Variants in DCHS2 observed in about 807,000 individuals in gnomAD.
The protein encoded by DCHS2 is protocadherin-23.
In DCHS2, 142 loss-of-function variants were observed where a neutral mutation model predicts 182.4. The observed-to-expected ratio is 0.78, with a 90% CI of 0.68 to 0.89. The LOEUF is 0.89. Among genes scored for constraint, DCHS2 ranks in the 40% least tolerant of loss-of-function variants. The pLI is 0.00. For missense variants in DCHS2, 4,319 were observed against 4,198.6 expected, an observed-to-expected ratio of 1.03 and a Z score of -0.79; for synonymous variants, 1,740 against 1,663.3, an observed-to-expected ratio of 1.05 and a Z score of -1.12.
At chr4:154,237,425 A>G (rs1731584737) in intron 19 of DCHS2, 1 of 354,882 alleles carries the variant, frequency 2.8e-6, no homozygotes, top group African/African-American at 2.1e-5. Context: ...AATTCCTCTG[A>G]ATTTTGTTTT....
chr4:154,316,044 G>T, intron 9 of DCHS2, 57 bp from the exon 10 acceptor site: 1 of 1,596,056 alleles, frequency 6.3e-7, no homozygotes, highest in Non-Finnish European at 8.5e-7. Context: ...GAGAAGTCAT[G>T]CTTACTCCAC....
intron 13 of DCHS2, among the ~76,000 whole-genome samples, chr4:154,274,808 A>G (rs1293381224): frequency 1.3e-5 from 2 of 151,788 alleles, no homozygotes; most frequent in Admixed American, 6.6e-5. Flanking sequence ...AGCCAAAAGC[A>G]ATTTTTTTTA....
rs529144981 is a variant in DCHS2 at position 154,481,847 on chromosome 4, A to T, written c.2052+7457T>A. Among the ~76,000 whole-genome samples, 7 of 152,340 alleles carry T rather than the reference A, an allele frequency of 4.6e-5. No homozygotes were observed. The South Asian group carries it at 1.4e-3, about 32-fold the overall frequency. Reference sequence around the variant, plus strand: ...TAAACTTGGGTATGTTTCACTCTGCATTGCAAGCTTTTATCCACGGGATTA... The same window carrying T: ...TAAACTTGGGTATGTTTCACTCTGCTTTGCAAGCTTTTATCCACGGGATTA... On this transcript the variant is annotated intron_variant, in intron 1 of 19. Transcript: ENST00000357232.
intron 1 of DCHS2, among the ~76,000 whole-genome samples, chr4:154,469,138 A>G (rs1269307665): frequency 6.6e-6 from 1 of 152,176 alleles, no homozygotes; most frequent in Non-Finnish European, 1.5e-5. Flanking sequence ...AACACTGGAA[A>G]GACATAAGAA....
At chr4:154,251,998 A>T (rs1346128402) in intron 16 of DCHS2, among the ~76,000 whole-genome samples, 291 of 152,318 alleles carry the variant, frequency 1.9e-3, no homozygotes, top group Middle Eastern at 3.4e-3. Context: ...TTAATATGAA[A>T]ACTAAAAATT....
At chr4:154,421,678 G>A (rs1051824234) in intron 1 of DCHS2, among the ~76,000 whole-genome samples, 14 of 152,312 alleles carry the variant, frequency 9.2e-5, no homozygotes, top group African/African-American at 3.4e-4. Context: ...ACAGGCGTAA[G>A]CCACCACGCC....
intron 2 of DCHS2, chr4:154,374,286 C>T (rs1042084747): frequency 1.2e-5 from 3 of 243,516 alleles, no homozygotes; most frequent in Non-Finnish European, 2.4e-5. Flanking sequence ...GTTTAGATCA[C>T]AGTGGACAGC....
At chr4:154,374,386 T>C (rs1253031730) in intron 2 of DCHS2, 2 of 155,968 alleles carry the variant, frequency 1.3e-5, no homozygotes, top group African/African-American at 4.8e-5. Flanking sequence ...TAGGATGGCA[T>C]TATACAATTG....
chr4:154,403,122 A>G (rs774736185), intron 1 of DCHS2, among the ~76,000 whole-genome samples: 13 of 152,242 alleles, frequency 8.5e-5, no homozygotes, highest in Admixed American at 3.9e-4. Flanking sequence ...AGATTATTTT[A>G]TTTTATCCTT....
chr4:154,372,712 T>C (rs1730698890), intron 2 of DCHS2, among the ~76,000 whole-genome samples: 1 of 152,226 alleles, frequency 6.6e-6, no homozygotes, highest in Admixed American at 6.6e-5. Flanking sequence ...ATTGCCAATG[T>C]AATTCAATTG....
intron 1 of DCHS2, among the ~76,000 whole-genome samples, chr4:154,469,213 C>CAA (rs1271097058): frequency 1.4e-4 from 3 of 21,378 alleles, no homozygotes; most frequent in African/African-American, 1.5e-4. Flanking sequence ...CACAGGAGTG[C>CAA]AAACATCTTC....
chr4:154,425,169 G>A (rs139850500), intron 1 of DCHS2, among the ~76,000 whole-genome samples: 184 of 152,294 alleles, frequency 1.2e-3, no homozygotes, highest in African/African-American at 4.4e-3. Flanking sequence ...TACAGAGATT[G>A]ACAATGGAAG....
chr4:154,236,948 A>G lies in DCHS2; in HGVS notation c.7704T>C (p.Leu2568=), dbSNP rs752970002. 1.2e-6 allele frequency: 2 copies of G among 1,614,072 alleles called. No homozygotes were observed. The highest frequency in any genetic ancestry group is 3.3e-5 in the Admixed American group (2 of 60,022). ...CATGGTCGATGTTTGAAAATGTAAC[A>G]AGCGTGCTTCCAACCAGAGCATCCT... ...LSEDALVGST[L]VTFSNIDHDW... The change falls in exon 20 of 20, where the codon CTT becomes CTC. Residue 2568 remains leucine (L), a synonymous_variant. Coordinates refer to ENST00000357232, the MANE Select transcript of DCHS2 (RefSeq NM_001358235.2).
chr4:154,335,772 CA>C (rs2111372385), intron 3 of DCHS2, among the ~76,000 whole-genome samples: 1 of 152,288 alleles, frequency 6.6e-6, no homozygotes, highest in South Asian at 2.1e-4. Flanking sequence ...ATTTGCAAAA[CA>C]ATGTCAAATT....
At position 154,234,386 on chromosome 4, in the gene DCHS2, A is replaced by G; in HGVS notation, c.*150T>C. 8.8e-7 allele frequency: 1 copy of G among 1,131,218 alleles called. No individual in the cohort carries two copies. The highest frequency in any genetic ancestry group is 1.2e-6 in the Non-Finnish European group (1 of 830,608). The allele number at this position is 1,131,218 out of a possible 1,614,324, so 70.1% of individuals were successfully genotyped here. On this transcript the variant is annotated 3_prime_UTR_variant, in exon 20 of 20. Coordinates refer to ENST00000357232, the MANE Select transcript of DCHS2 (RefSeq NM_001358235.2). ...CATTAAGGCTGGAAGAAATTGGAGA[A>G]ACTTTAATGGGGAAGTTTTAAAAAC...
rs1361379735 is a variant in DCHS2 at position 154,234,659 on chromosome 4, A to AGAT, written c.9990_9992dup (p.Ser3331dup). 1 of 1,613,984 alleles carries AGAT rather than the reference A, an allele frequency of 6.2e-7. No homozygotes were observed. The highest frequency in any genetic ancestry group is 8.5e-7 in the Non-Finnish European group (1 of 1,179,972). On this transcript the variant is annotated inframe_insertion, in exon 20 of 20. Transcript: ENST00000357232. ...GAGGCTGCATCGTCAATAGGGAAAG[A>AGAT]GATGGAGAAAAATTGGGAGTCATGC...
At chr4:154,464,383 G>C (rs113821748) in intron 1 of DCHS2, among the ~76,000 whole-genome samples, 49 of 152,128 alleles carry the variant, frequency 3.2e-4, no homozygotes, top group African/African-American at 1.2e-3. Context: ...TTCACAGCAA[G>C]AGATAGCTCC....
chr4:154,409,941 C>T (rs978696185), intron 1 of DCHS2, among the ~76,000 whole-genome samples: 5 of 152,204 alleles, frequency 3.3e-5, no homozygotes, highest in African/African-American at 9.7e-5. Context: ...TGCACAGATG[C>T]TATACCACTG....
At chr4:154,353,007 G>A (rs748933133) in intron 3 of DCHS2, among the ~76,000 whole-genome samples, 30 of 152,096 alleles carry the variant, frequency 2.0e-4, no homozygotes, top group East Asian at 1.3e-3. Context: ...CCAGTAGATC[G>A]CAAATAAAAT....
Sources: gnomAD v4.1 joint callset for allele counts (sites outside exome capture counted in the v4.1 genomes callset) on GRCh38, gnomAD v4.1.1 for gene constraint, MANE v1.5 for transcripts, NCBI Gene and HGNC (gene_info 2026-07-23, HGNC 2026-07-21) for gene names.